NAF1: variants seen among roughly 807,000 people sequenced by gnomAD.
The protein encoded by NAF1 is nuclear assembly factor 1 ribonucleoprotein.
A neutral mutation model predicts 40.6 loss-of-function variants in NAF1; 11 were observed. That is an observed-to-expected ratio of 0.27 (90% CI 0.17 to 0.45). The LOEUF is 0.45. NAF1 is among the 20% of genes least tolerant of loss of function. The pLI is 1.00. For synonymous variants in NAF1, 260 were observed against 228.5 expected (o/e 1.14, Z -1.24); for missense variants, 607 against 611.1 (o/e 0.99, Z 0.07).
At chr4:163,130,138 A>T (rs773356799) in intron 7 of NAF1, among the ~76,000 whole-genome samples, 1 of 152,204 alleles carries the variant, frequency 6.6e-6, no homozygotes, top group African/African-American at 2.4e-5. Context: ...CAGCTAAATC[A>T]GAAGATTTAC....
chr4:163,106,649 A>G (rs1730053806), downstream of NAF1, among the ~76,000 whole-genome samples: 1 of 152,176 alleles, frequency 6.6e-6, no homozygotes, highest in South Asian at 2.1e-4. Flanking sequence ...GAATCATCCA[A>G]TAAGATTTCA....
downstream of NAF1, among the ~76,000 whole-genome samples, chr4:163,106,527 T>C (rs1730051667): frequency 6.6e-6 from 1 of 152,164 alleles, no homozygotes; most frequent in Non-Finnish European, 1.5e-5. Flanking sequence ...TTCCATTTTC[T>C]ATAGTAATGA....
chr4:163,152,733 C>T, intron 2 of NAF1, among the ~76,000 whole-genome samples: 1 of 152,264 alleles, frequency 6.6e-6, no homozygotes, highest in Non-Finnish European at 1.5e-5. Flanking sequence ...TGCCTATGCT[C>T]CCACTTTGGC....
intron 2 of NAF1, among the ~76,000 whole-genome samples, chr4:163,155,461 T>C (rs1403659757): frequency 6.6e-6 from 1 of 152,176 alleles, no homozygotes; most frequent in African/African-American, 2.4e-5. Context: ...AAAGTCAGTC[T>C]TTGTCTGAGC....
At chr4:163,114,476 TG>T (rs1730264613) in intron 2 of NAF1, among the ~76,000 whole-genome samples, 1 of 152,092 alleles carries the variant, frequency 6.6e-6, no homozygotes, top group Non-Finnish European at 1.5e-5. Flanking sequence ...TACACAGGAG[TG>T]GGAGTGCCAA....
At chr4:163,140,107 A>C in intron 5 of NAF1, 116 bp downstream of exon 5, 3 of 759,930 alleles carry the variant, frequency 3.9e-6, no homozygotes, top group Non-Finnish European at 6.0e-6. Flanking sequence ...TAGGAAGATA[A>C]ATGAACTCTT....
At chr4:163,114,999 A>T (rs538968488) in intron 2 of NAF1, among the ~76,000 whole-genome samples, 1 of 152,014 alleles carries the variant, frequency 6.6e-6, no homozygotes, top group South Asian at 2.1e-4. Context: ...TTATTGGCAT[A>T]AAGTTATTCA....
intron 2 of NAF1, among the ~76,000 whole-genome samples, chr4:163,112,897 A>C (rs1251726071): frequency 6.6e-6 from 1 of 152,230 alleles, no homozygotes; most frequent in Admixed American, 6.5e-5. Context: ...GGACTAGGAA[A>C]AAAATATTGC....
chr4:163,134,317 A>G (rs527528833), intron 6 of NAF1, among the ~76,000 whole-genome samples: 243 of 152,346 alleles, frequency 1.6e-3, no homozygotes, highest in African/African-American at 5.8e-3. Flanking sequence ...AAGTCTTTGT[A>G]TGTAATTTTC....
chr4:163,158,176 A>C (rs533635764), intron 2 of NAF1: 1 of 152,180 alleles, frequency 6.6e-6, no homozygotes, highest in South Asian at 2.1e-4. Flanking sequence ...TTATCTAACC[A>C]CTTTTCTCAT....
rs748455829 is a variant in NAF1, at chr4:163,128,986, A to C, written c.1396T>G (p.Tyr466Asp). 2 of 1,354,416 alleles carry C rather than the reference A, an allele frequency of 1.5e-6. No homozygotes were observed. Among genetic ancestry groups the C allele is most frequent in the East Asian group, 3.9e-5 (1 of 25,482 alleles). 83.9% of individuals were successfully genotyped at this position (1,354,416 alleles called of 1,614,324 possible). ...MAAHPLLNLPYSLPPPPPPPP... is the reference protein window; with the variant it reads ...MAAHPLLNLPDSLPPPPPPPP... ...GGGGGAGGGGGTGGGGGTAGGGAGT[A>C]TGGTAAGTTAAGTAATGGATGAGCA... The change falls in exon 8 of 8, where the codon TAC becomes GAC. Residue 466 changes from tyrosine to aspartate, a missense_variant. Tyr to Asp is a radical substitution (Grantham distance 160). Transcript: ENST00000274054.
At chr4:163,132,433 A>G (rs1730907112) in intron 7 of NAF1, among the ~76,000 whole-genome samples, 2 of 152,240 alleles carry the variant, frequency 1.3e-5, no homozygotes, top group Admixed American at 1.3e-4. Flanking sequence ...GGGTGGATGC[A>G]CAGATACTAC....
At chr4:163,113,190 A>T (rs1192116796) in intron 2 of NAF1, among the ~76,000 whole-genome samples, 1 of 152,144 alleles carries the variant, frequency 6.6e-6, no homozygotes, top group Non-Finnish European at 1.5e-5. Flanking sequence ...ACATATATAG[A>T]TAGTTCCAGA....
At chr4:163,113,809 T>C in intron 2 of NAF1, among the ~76,000 whole-genome samples, 1 of 152,242 alleles carries the variant, frequency 6.6e-6, no homozygotes, top group East Asian at 1.9e-4. Context: ...CACTTAAAGT[T>C]ATCTTCTCCA....
At chr4:163,130,901 C>T (rs955502745) in intron 7 of NAF1, among the ~76,000 whole-genome samples, 2 of 152,304 alleles carry the variant, frequency 1.3e-5, no homozygotes, top group East Asian at 1.9e-4. Context: ...TTTTTAGAGA[C>T]GGAGTCTCGC....
intron 1 of NAF1, among the ~76,000 whole-genome samples, chr4:163,165,982 TA>T (rs200992095): frequency 3.3e-5 from 5 of 151,118 alleles, no homozygotes; most frequent in Admixed American, 1.3e-4. Flanking sequence ...GATGTGATGA[TA>T]AAAAAAAATC....
intron 6 of NAF1, 98 bp from the exon 7 acceptor site, chr4:163,133,354 A>G (rs1730941784): frequency 1.2e-6 from 1 of 807,408 alleles, no homozygotes. Flanking sequence ...TTATGCATCA[A>G]TGACTCTAAA....
At chr4:163,110,163 A>AT in exon 3 of NAF1, 1 of 607,944 alleles carries the variant, frequency 1.6e-6, no homozygotes, top group Non-Finnish European at 2.9e-6. Context: ...TATGGATAAG[A>AT]ATGCTTGACT....
intron 2 of NAF1, among the ~76,000 whole-genome samples, chr4:163,159,200 C>A (rs1732117245): frequency 6.6e-6 from 1 of 151,940 alleles, no homozygotes; most frequent in Non-Finnish European, 1.5e-5. Context: ...ATCATTCATG[C>A]CTCATGTAAG....
Sources: allele counts gnomAD v4.1 joint callset (sites outside exome capture counted in the v4.1 genomes callset), GRCh38; gene constraint gnomAD v4.1.1; transcripts MANE v1.5; gene names NCBI Gene and HGNC (gene_info 2026-07-23, HGNC 2026-07-21).